CAPN12: variants seen among roughly 807,000 people sequenced by gnomAD.
CAPN12 encodes calpain-12.
Under a neutral mutation model 95.0 loss-of-function variants are expected in CAPN12, and 107 were observed. That is an observed-to-expected ratio of 1.13 (90% CI 0.96 to 1.32). CAPN12 has a LOEUF of 1.32. CAPN12 is among the 40% of genes most tolerant of loss of function. The pLI is 0.00. For missense variants in CAPN12, 1,136 were observed against 997.8 expected (o/e 1.14, Z -1.87); for synonymous variants, 505 against 415.5 (o/e 1.22, Z -2.62).
rs1969985172 is a variant in CAPN12, at chr19:38,735,621, G to A, written c.1584-77C>T. 4 of 1,464,992 alleles carry A rather than the reference G, an allele frequency of 2.7e-6. No individual in the cohort carries two copies. In the East Asian group the frequency reaches 7.2e-5, roughly 26 times the overall value. The allele number at this position is 1,464,992 out of a possible 1,614,324, so 90.7% of individuals were successfully genotyped here. ...CTGTGTGGGACGGGGTCTCAGGTGA[G>A]GAATCGCGTGGGGTCTAGGTAGGGA... On this transcript the variant is annotated intron_variant, in intron 12 of 20. Coordinates refer to ENST00000328867, the MANE Select transcript of CAPN12 (RefSeq NM_144691.4).
In CAPN12 at chr19:38,733,735, G is replaced by T. The variant is rs1158426066; in HGVS notation, c.1925C>A (p.Ser642Tyr). Residue 642 changes from serine (S) to tyrosine (Y), a missense_variant, in exon 18 of 21, where the codon TCC (serine) becomes TAC (tyrosine). Coordinates refer to ENST00000328867, the MANE Select transcript of CAPN12 (RefSeq NM_144691.4). Reference sequence around the variant, plus strand: ...ATTCAGTGCCAGCCTCAGCTCGTAGGAGTTCATGGTTCCAGAGGTGTCCTC... The same window carrying T: ...ATTCAGTGCCAGCCTCAGCTCGTAGTAGTTCATGGTTCCAGAGGTGTCCTC... Reference protein sequence around the residue: ...FDEDTSGTMNSYELRLALNAA... With the variant: ...FDEDTSGTMNYYELRLALNAA... 1.2e-6 allele frequency: 2 copies of T among 1,613,556 alleles called. No homozygotes were observed. Among genetic ancestry groups the T allele is most frequent in the Non-Finnish European group, 1.7e-6 (2 of 1,179,976 alleles).
rs34911882 is a variant in CAPN12, at chr19:38,740,108, C to G, written c.672G>C (p.Leu224=). Residue 224 remains leucine, a synonymous_variant, in exon 5 of 21, where the codon CTG becomes CTC. Coordinates refer to ENST00000328867, the MANE Select transcript of CAPN12 (RefSeq NM_144691.4). The part of the protein sequence containing the change: ...VLYLRQNSMG[L]FSALRHALAK... ...CCAGGGCATGGCGCAGGGCAGAGAA[C>G]AGCCCCATGCTGTTTTGTCTCAGAT... 105,240 of 1,613,460 alleles carry G rather than the reference C, an allele frequency of 0.065. 3,776 individuals are homozygous for G. Among genetic ancestry groups the G allele is most frequent in the South Asian group, 0.1 (9,462 of 91,028 alleles).
rs1970143845 is a variant in CAPN12 at position 38,736,313 on chromosome 19, C to T, written c.1380G>A (p.Leu460=). ...FHVFQIPEEL[L]GLWDSPRSHA... is the part of the protein sequence containing the mutation. ...GGCTGCGCGGGGAATCCCAGAGGCC[C>T]AGCAGCTGGGGACGGGGCGGCATGA... The change falls in exon 12 of 21, where the codon CTG becomes CTA. Residue 460 remains leucine, a synonymous_variant. Coordinates refer to ENST00000328867, the MANE Select transcript of CAPN12 (RefSeq NM_144691.4). 2.1e-6 allele frequency: 3 copies of T among 1,441,394 alleles called. No individual in the cohort carries two copies. Among genetic ancestry groups the T allele is most frequent in the African/African-American group, 1.5e-5 (1 of 66,706 alleles). 89.3% of individuals were successfully genotyped at this position (1,441,394 alleles called of 1,614,324 possible).
rs768570412 is a variant in CAPN12 at position 38,735,538 on chromosome 19, G to C, written c.1590C>G (p.Ile530Met). Residue 530 changes from isoleucine (I) to methionine (M), a missense_variant, in exon 13 of 21, where the codon ATC becomes ATG. Transcript: ENST00000328867. ...FSERRHTAVE[I>M]DDVISADLQS... ...GCAGGTCTGCGCTGATCACGTCGTC[G>C]ATCTCCCTGCAAATTACAGATGGGA... The C allele has an allele frequency of 5.0e-6, 8 of 1,610,092 alleles. No individual in the cohort carries two copies. Among genetic ancestry groups the C allele is most frequent in the South Asian group, 4.4e-5 (4 of 90,858 alleles).
At position 38,744,402 on chromosome 19, in the gene CAPN12, C is replaced by T. The variant is rs1347667076; in HGVS notation, c.-237G>A. ...GTAGCAGCTTAATGGGCTTGGCCAGCAGCAGGAGAGAAGGCGGGCAGAGCT... is the reference window on the plus strand; with the variant it reads ...GTAGCAGCTTAATGGGCTTGGCCAGTAGCAGGAGAGAAGGCGGGCAGAGCT... On this transcript the variant is annotated 5_prime_UTR_variant, in exon 1 of 21. Coordinates refer to ENST00000328867, the MANE Select transcript of CAPN12 (RefSeq NM_144691.4). The T allele has an allele frequency of 5.2e-6, 3 of 578,192 alleles. No homozygotes were observed. The highest frequency in any genetic ancestry group is 6.2e-6 in the Non-Finnish European group (2 of 323,982). The allele number at this position is 578,192 out of a possible 1,614,324, so 35.8% of individuals were successfully genotyped here. A position where few individuals can be genotyped will look rare whatever the true frequency, so the allele number is the denominator to read the frequency against.
chr19:38,743,267 C>T, intron 1 of CAPN12, 165 bp from the exon 2 acceptor site: 1 of 698,836 alleles, frequency 1.4e-6, no homozygotes, highest in Non-Finnish European at 2.4e-6. Context: ...CATGGTAGCC[C>T]CCTCCTCCCT....
intron 5 of CAPN12, chr19:38,739,469 AAAAG>A (rs1970417311): frequency 6.8e-6 from 1 of 147,906 alleles, no homozygotes; most frequent in African/African-American, 2.5e-5. Flanking sequence ...AAAAAAAAAA[AAAAG>A]ATGGAAAGAG....
rs992461141 is a variant in CAPN12, at chr19:38,736,273, G to A, written c.1420C>T (p.Arg474Trp). The A allele has an allele frequency of 7.0e-5, 102 of 1,447,382 alleles. No homozygotes were observed. Among genetic ancestry groups the A allele is most frequent in the Admixed American group, 1.1e-4 (4 of 35,510 alleles). 89.7% of individuals were successfully genotyped at this position (1,447,382 alleles called of 1,614,324 possible). Residue 474 changes from arginine to tryptophan, a missense_variant, in exon 12 of 21, where the codon CGG (arginine) becomes TGG (tryptophan). Transcript: ENST00000328867. ...GGCGAGCGGTCGGCGCGCAGCAGCC[G>A]GGGCAGGAGCGCATGGCTGCGCGGG... Reference protein sequence around the residue: ...DSPRSHALLPRLLRADRSPLS... With the variant: ...DSPRSHALLPWLLRADRSPLS...
chr19:38,738,774 C>CTGGTTG (rs1970374890), intron 5 of CAPN12, 126 bp from the exon 6 acceptor site: 17 of 763,902 alleles, frequency 2.2e-5, no homozygotes, highest in African/African-American at 5.2e-5. Flanking sequence ...GCACGCAGCT[C>CTGGTTG]AGAGACCATG....
chr19:38,730,547 CT>C lies in CAPN12; in HGVS notation c.*304del, dbSNP rs1046000863. ...TTAAGAAGGATTCCTGCAGCATCAT[CT>C]TTTTTTATTTCTCCTGTGTCTGTCC... On this transcript the variant is annotated 3_prime_UTR_variant, in exon 21 of 21. Transcript: ENST00000328867. The C allele has an allele frequency of 4.3e-6, 2 of 466,362 alleles. No homozygotes were observed. Among genetic ancestry groups the C allele is most frequent in the Non-Finnish European group, 7.7e-6 (2 of 259,940 alleles). 28.9% of individuals were successfully genotyped at this position (466,362 alleles called of 1,614,324 possible).
At chr19:38,734,488 A>G (rs1030630237) in intron 15 of CAPN12, 99 bp from the exon 16 acceptor site, 4 of 1,061,664 alleles carry the variant, frequency 3.8e-6, no homozygotes, top group Non-Finnish European at 5.4e-6. Flanking sequence ...TGATGTTGTC[A>G]GTCCCATATT....
intron 11 of CAPN12, 81 bp from the exon 12 acceptor site, chr19:38,736,399 C>T (rs1970153866): frequency 1.5e-5 from 22 of 1,497,158 alleles, no homozygotes; most frequent in Non-Finnish European, 2.0e-5. Flanking sequence ...CCCCGTCCAC[C>T]CTGCCTAACC....
rs201968064 is a variant in CAPN12, at chr19:38,743,059, C to T, written c.281G>A (p.Arg94His). The change falls in exon 2 of 21, where the codon CGC becomes CAC. Residue 94 changes from arginine (R) to histidine (H), a missense_variant. Arg to His is a conservative substitution (Grantham distance 29). Transcript: ENST00000328867. ...EPKFICEDMS[R>H]TDVCQGSLGN... is the part of the protein sequence containing the mutation. ...CAGGCTCCCCTGACACACGTCTGTG[C>T]GGCTCATGTCTTCACAGATGAACTT... 129 of 1,613,968 alleles carry T rather than the reference C, an allele frequency of 8.0e-5. No individual in the cohort carries two copies. In the East Asian group the frequency reaches 2.1e-3, roughly 26 times the overall value.
Position 38,738,638 on chromosome 19 carries a change from C to T in CAPN12, c.740G>A (p.Gly247Asp). 1 of 1,614,020 alleles carries T rather than the reference C, an allele frequency of 6.2e-7. No homozygotes were observed. Among genetic ancestry groups the T allele is most frequent in the Non-Finnish European group, 8.5e-7 (1 of 1,180,028 alleles). The change falls in exon 6 of 21, where the codon GGT becomes GAT. Residue 247 changes from glycine (G) to aspartate (D), a missense_variant. Coordinates refer to ENST00000328867, the MANE Select transcript of CAPN12 (RefSeq NM_144691.4). ...CAGGCCCTCTTCTGTGCGGTACTCA[C>T]CCCGATCACTCTGGGCAGGGGATGG... is the stretch of plus-strand genomic sequence containing the variant. The part of the protein sequence containing the change: ...LVGATALSDR[G>D]EYRTEEGLVK...
intron 18 of CAPN12, 94 bp downstream of exon 18, chr19:38,733,609 G>A: frequency 3.4e-6 from 4 of 1,160,474 alleles, no homozygotes; most frequent in Non-Finnish European, 2.6e-6. Context: ...TGGCCACAGT[G>A]CAGACGGCCA....
chr19:38,742,850 C>CAAAAAAAAAA (rs11406594), intron 2 of CAPN12, among the ~76,000 whole-genome samples, 183 bp downstream of exon 2: 2,276 of 53,242 alleles, frequency 0.043, 225 homozygotes, highest in African/African-American at 0.058. Flanking sequence ...GACCCCATCT[C>CAAAAAAAAAA]AAAAAAAAAA....
chr19:38,736,942 C>A (rs1970224630), intron 10 of CAPN12: 3 of 236,866 alleles, frequency 1.3e-5, no homozygotes, highest in Non-Finnish European at 2.3e-5. Flanking sequence ...CCAGCGCCGC[C>A]CCCTCTTGGC....
At chr19:38,736,404 C>G in intron 11 of CAPN12, 86 bp from the exon 12 acceptor site, 3 of 1,510,956 alleles carry the variant, frequency 2.0e-6, no homozygotes, top group Non-Finnish European at 2.7e-6. Flanking sequence ...TCCACCCTGC[C>G]TAACCCCTGT....
Position 38,743,929 on chromosome 19 carries a change from A to G in CAPN12, c.237T>C (p.His79=). Residue 79 remains histidine (H), a splice_region_variant and synonymous_variant, in exon 1 of 21, where the codon CAT becomes CAC. Coordinates refer to ENST00000328867, the MANE Select transcript of CAPN12 (RefSeq NM_144691.4). Reference sequence around the variant, plus strand: ...AGCCCAGACCCCAGCCACACTTTACATGGGGCCTCATCCATTTCACGCCTT... The same window carrying G: ...AGCCCAGACCCCAGCCACACTTTACGTGGGGCCTCATCCATTTCACGCCTT... The part of the protein sequence containing the change: ...KAKGVKWMRP[H]EFCAEPKFIC... 1.9e-6 allele frequency: 3 copies of G among 1,613,644 alleles called. No individual in the cohort carries two copies. Among genetic ancestry groups the G allele is most frequent in the East Asian group, 2.2e-5 (1 of 44,874 alleles).
Sources: allele counts gnomAD v4.1 joint callset (sites outside exome capture counted in the v4.1 genomes callset), GRCh38; gene constraint gnomAD v4.1.1; transcripts MANE v1.5; gene names NCBI Gene and HGNC (gene_info 2026-07-23, HGNC 2026-07-21).